The following YEATS4 variants were observed in gnomAD, a reference collection of about 807,000 sequenced individuals.
YEATS4 encodes the protein YEATS domain-containing protein 4.
YEATS4 carries 17 observed loss-of-function variants against 30.1 expected under a neutral mutation model. That is an observed-to-expected ratio of 0.56 (90% CI 0.39 to 0.85). YEATS4 has a LOEUF of 0.85. Ranked by LOEUF, YEATS4 falls within the 40% of genes least tolerant of loss-of-function variation. The pLI is 0.00. For synonymous variants in YEATS4, 85 were observed against 87.5 expected (o/e 0.97, Z 0.16); for missense variants, 142 against 268.3 (o/e 0.53, Z 3.29).
chr12:69,421,128 G>A, the YEATS4 span, among the ~76,000 whole-genome samples: 1 of 152,182 alleles, frequency 6.6e-6, no homozygotes, highest in African/African-American at 2.4e-5. Flanking sequence ...AAGTAGCTGG[G>A]ATTACATCTG....
At chr12:69,365,361 G>A (rs1368964752) in intron 2 of YEATS4, among the ~76,000 whole-genome samples, 1 of 151,220 alleles carries the variant, frequency 6.6e-6, no homozygotes, top group Non-Finnish European at 1.5e-5. Flanking sequence ...TGAGGCAGGA[G>A]AATTGCTTGA....
the YEATS4 span, among the ~76,000 whole-genome samples, chr12:69,396,647 T>C: frequency 2.0e-5 from 3 of 152,192 alleles, no homozygotes; most frequent in African/African-American, 4.8e-5. Context: ...GGTTAAGTCA[T>C]GTTCTCAAAA....
the YEATS4 span, among the ~76,000 whole-genome samples, chr12:69,412,671 A>C: frequency 6.6e-6 from 1 of 152,118 alleles, no homozygotes; most frequent in East Asian, 1.9e-4. Context: ...TAAATAAATA[A>C]AAATACAAAT....
chr12:69,365,283 C>G (rs1177525978), intron 2 of YEATS4, among the ~76,000 whole-genome samples: 2 of 151,824 alleles, frequency 1.3e-5, no homozygotes, highest in African/African-American at 4.8e-5. Context: ...AACCCCGTCT[C>G]TACTAAAAAT....
the YEATS4 span, among the ~76,000 whole-genome samples, chr12:69,406,206 C>T: frequency 6.6e-6 from 1 of 152,184 alleles, no homozygotes; most frequent in Non-Finnish European, 1.5e-5. Context: ...TCAAATTTCT[C>T]TCAAAAGTTT....
chr12:69,389,057 A>T (rs1157038694), intron 6 of YEATS4, among the ~76,000 whole-genome samples: 1 of 152,252 alleles, frequency 6.6e-6, no homozygotes. Context: ...ACAGTGTCAC[A>T]GCTAGTAAGT....
At chr12:69,375,839 C>T (rs1197889979) in intron 6 of YEATS4, among the ~76,000 whole-genome samples, 2 of 150,716 alleles carry the variant, frequency 1.3e-5, no homozygotes, top group African/African-American at 2.4e-5. Flanking sequence ...TGCAGTGAGC[C>T]GAGATGGCGG....
chr12:69,375,729 C>T (rs943955513), intron 6 of YEATS4, among the ~76,000 whole-genome samples: 5 of 151,990 alleles, frequency 3.3e-5, no homozygotes, highest in Non-Finnish European at 2.9e-5. Flanking sequence ...GGCGAAACCC[C>T]GTCTCCACCA....
At chr12:69,371,651 G>C (rs1875644215) in intron 6 of YEATS4, among the ~76,000 whole-genome samples, 1 of 152,174 alleles carries the variant, frequency 6.6e-6, no homozygotes, top group Admixed American at 6.5e-5. Flanking sequence ...GCCAACCATT[G>C]TTCTAGGTGC....
the YEATS4 span, among the ~76,000 whole-genome samples, chr12:69,396,989 G>A: frequency 6.6e-6 from 1 of 152,132 alleles, no homozygotes; most frequent in South Asian, 2.1e-4. Context: ...CCTACCTCAT[G>A]GAATTCTGTT....
At chr12:69,412,687 T>A in the YEATS4 span, among the ~76,000 whole-genome samples, 2 of 151,946 alleles carry the variant, frequency 1.3e-5, no homozygotes, top group East Asian at 3.9e-4. Flanking sequence ...CAAATAAAAA[T>A]AAAGGCGAGG....
At chr12:69,415,435 T>C in the YEATS4 span, among the ~76,000 whole-genome samples, 1 of 151,790 alleles carries the variant, frequency 6.6e-6, no homozygotes, top group East Asian at 1.9e-4. Context: ...ATTAGCCGAG[T>C]ATGGTGGTGG....
At chr12:69,406,721 G>C in the YEATS4 span, among the ~76,000 whole-genome samples, 1 of 152,058 alleles carries the variant, frequency 6.6e-6, no homozygotes, top group Non-Finnish European at 1.5e-5. Context: ...TTAAAAACAT[G>C]ATCAACAAGA....
At chr12:69,390,106 T>C (rs1360352861) in intron 6 of YEATS4, 41 bp from the exon 7 acceptor site, 14 of 1,496,802 alleles carry the variant, frequency 9.4e-6, no homozygotes, top group Non-Finnish European at 1.2e-5. Flanking sequence ...ATCTTAAACA[T>C]GTGAGAAAAA....
chr12:69,364,820 A>C (rs1188231872), intron 2 of YEATS4, among the ~76,000 whole-genome samples: 8 of 151,972 alleles, frequency 5.3e-5, no homozygotes, highest in Admixed American at 5.2e-4. Flanking sequence ...GAGTTTCCCC[A>C]TGTTGGCCAG....
At chr12:69,422,971 A>G in the YEATS4 span, 6 of 152,346 alleles carry the variant, frequency 3.9e-5, no homozygotes, top group African/African-American at 1.4e-4. Context: ...GTGCTGTTCC[A>G]TGACCTCCGC....
intron 1 of YEATS4, among the ~76,000 whole-genome samples, chr12:69,362,109 C>T (rs1204331163): frequency 1.4e-5 from 2 of 147,956 alleles, no homozygotes; most frequent in Non-Finnish European, 3.0e-5. Context: ...CCTCTGCCTC[C>T]CAGGTTCAAG....
chr12:69,364,435 TTG>T (rs1323512953), intron 2 of YEATS4: 1 of 169,006 alleles, frequency 5.9e-6, no homozygotes, highest in African/African-American at 2.4e-5. Flanking sequence ...ACTTATTGCT[TTG>T]CATTTTTTTA....
At chr12:69,373,409 C>T (rs1049839976) in intron 6 of YEATS4, among the ~76,000 whole-genome samples, 7 of 152,156 alleles carry the variant, frequency 4.6e-5, no homozygotes, top group African/African-American at 9.7e-5. Flanking sequence ...AGCACCTTTT[C>T]GTATACCTGT....
Sources: gnomAD v4.1 joint callset for allele counts (sites outside exome capture counted in the v4.1 genomes callset) on GRCh38, gnomAD v4.1.1 for gene constraint, MANE v1.5 for transcripts, NCBI Gene and HGNC (gene_info 2026-07-23, HGNC 2026-07-21) for gene names.